ZFPM2: variants seen among roughly 807,000 people sequenced by gnomAD.
ZFPM2 encodes the protein zinc finger protein, FOG family member 2.
In ZFPM2, 20 loss-of-function variants were observed where a neutral mutation model predicts 98.6. The ratio of observed to expected loss-of-function variants is 0.20; its 90% CI spans 0.14 to 0.29. ZFPM2 has a LOEUF of 0.29. ZFPM2 is among the 10% of genes least tolerant of loss of function. ZFPM2 has a pLI of 1.00. For missense variants in ZFPM2, 1,310 were observed against 1,388.6 expected, an observed-to-expected ratio of 0.94 and a Z score of 0.90; for synonymous variants, 518 against 502.7, an observed-to-expected ratio of 1.03 and a Z score of -0.41.
chr8:105,682,867 T>G (rs1416116289), intron 5 of ZFPM2, among the ~76,000 whole-genome samples: 1 of 152,160 alleles, frequency 6.6e-6, no homozygotes, highest in African/African-American at 2.4e-5. Flanking sequence ...CAAGAGTCAG[T>G]TCAGTTCAAT....
chr8:105,753,075 G>A (rs1017261956), intron 5 of ZFPM2, among the ~76,000 whole-genome samples: 1 of 152,170 alleles, frequency 6.6e-6, no homozygotes, highest in East Asian at 1.9e-4. Context: ...GAGAGGCCAG[G>A]GTCACCCAAA....
intron 5 of ZFPM2, among the ~76,000 whole-genome samples, chr8:105,692,017 A>G (rs767484164): frequency 6.6e-6 from 1 of 152,198 alleles, no homozygotes. Flanking sequence ...ATCTGAAAAC[A>G]TTTTTAGTAG....
chr8:105,758,788 C>T (rs924782219), intron 5 of ZFPM2, among the ~76,000 whole-genome samples: 5 of 152,030 alleles, frequency 3.3e-5, no homozygotes, highest in African/African-American at 1.2e-4. Context: ...TCTGAACGCT[C>T]ATACAGAAAT....
At chr8:105,464,756 GA>G (rs56220707) in intron 3 of ZFPM2, among the ~76,000 whole-genome samples, 3 of 151,630 alleles carry the variant, frequency 2.0e-5, no homozygotes, top group Non-Finnish European at 4.4e-5. Flanking sequence ...ATCTTGAAGG[GA>G]AAAAAACCTG....
At chr8:105,350,699 C>T (rs545204267) in intron 1 of ZFPM2, among the ~76,000 whole-genome samples, 2 of 152,228 alleles carry the variant, frequency 1.3e-5, no homozygotes, top group East Asian at 3.9e-4. Context: ...TATTAGTATA[C>T]TCTTTACTTA....
At chr8:105,685,361 T>C (rs1810707533) in intron 5 of ZFPM2, among the ~76,000 whole-genome samples, 1 of 152,080 alleles carries the variant, frequency 6.6e-6, no homozygotes, top group Non-Finnish European at 1.5e-5. Flanking sequence ...AGATGATAAA[T>C]ACCATGCAGA....
intron 4 of ZFPM2, among the ~76,000 whole-genome samples, chr8:105,617,666 G>A (rs1042099480): frequency 2.6e-5 from 4 of 152,148 alleles, no homozygotes; most frequent in Admixed American, 1.3e-4. Flanking sequence ...TACTATGTCT[G>A]TTGACCATGG....
chr8:105,797,318 A>G (rs1473413058), intron 6 of ZFPM2: 3 of 152,170 alleles, frequency 2.0e-5, no homozygotes, highest in Non-Finnish European at 2.9e-5. Flanking sequence ...CCTGATAAAT[A>G]TGGTACCAGT....
chr8:105,465,795 T>A (rs1812786399), intron 3 of ZFPM2, among the ~76,000 whole-genome samples: 1 of 152,018 alleles, frequency 6.6e-6, no homozygotes, highest in Non-Finnish European at 1.5e-5. Flanking sequence ...AGCCACTTCA[T>A]CTGAATTTTA....
intron 5 of ZFPM2, among the ~76,000 whole-genome samples, chr8:105,704,226 G>T (rs1811206521): frequency 6.6e-6 from 1 of 152,054 alleles, no homozygotes; most frequent in Non-Finnish European, 1.5e-5. Context: ...CTGAAAATTT[G>T]GCAGAAATAA....
intron 5 of ZFPM2, among the ~76,000 whole-genome samples, chr8:105,660,254 C>CT (rs1817362270): frequency 1.3e-5 from 2 of 152,110 alleles, no homozygotes; most frequent in African/African-American, 2.4e-5. Flanking sequence ...CTAACAACAT[C>CT]TGACAGTGCT....
chr8:105,488,076 C>T (rs991664496), intron 3 of ZFPM2, among the ~76,000 whole-genome samples: 27 of 152,178 alleles, frequency 1.8e-4, no homozygotes, highest in Non-Finnish European at 3.1e-4. Flanking sequence ...AGATCCCCCA[C>T]CACAACAGTA....
chr8:105,696,515 C>G (rs567890828), intron 5 of ZFPM2, among the ~76,000 whole-genome samples: 1 of 152,260 alleles, frequency 6.6e-6, no homozygotes, highest in African/African-American at 2.4e-5. Flanking sequence ...CTTCCTTCCA[C>G]TTTATTTGCT....
At chr8:105,511,998 T>G (rs1339872388) in intron 3 of ZFPM2, among the ~76,000 whole-genome samples, 1 of 152,034 alleles carries the variant, frequency 6.6e-6, no homozygotes, top group African/African-American at 2.4e-5. Flanking sequence ...ATACAAAAAT[T>G]AGCCTGGTGT....
intron 5 of ZFPM2, among the ~76,000 whole-genome samples, chr8:105,657,468 G>C (rs1483479090): frequency 6.6e-6 from 1 of 152,074 alleles, no homozygotes; most frequent in Non-Finnish European, 1.5e-5. Context: ...AAGAGATTTT[G>C]CATTATACAG....
chr8:105,530,821 A>G (rs1419124070), intron 3 of ZFPM2, among the ~76,000 whole-genome samples: 1 of 152,150 alleles, frequency 6.6e-6, no homozygotes, highest in Non-Finnish European at 1.5e-5. Context: ...GACACTAGTA[A>G]ATGCAAGATG....
In ZFPM2 at chr8:105,341,087, G is replaced by A. The variant is rs1313228925; in HGVS notation, c.40+22106G>A. Reference sequence around the variant, plus strand: ...GCTGAACCATATTACCTTTTGAATGGTGTAAAGCCAGGAAAAAAGCAGATG... The same window carrying A: ...GCTGAACCATATTACCTTTTGAATGATGTAAAGCCAGGAAAAAAGCAGATG... On this transcript the variant is annotated intron_variant, in intron 1 of 7. Coordinates refer to ENST00000407775, the MANE Select transcript of ZFPM2 (RefSeq NM_012082.4). 2.0e-5 allele frequency among the ~76,000 whole-genome samples: 3 copies of A among 151,862 alleles called. No individual in the cohort carries two copies. In the Admixed American group the frequency reaches 2.0e-4, roughly 10 times the overall value.
At chr8:105,620,424 G>T (rs1816514235) in intron 4 of ZFPM2, among the ~76,000 whole-genome samples, 1 of 152,096 alleles carries the variant, frequency 6.6e-6, no homozygotes, top group South Asian at 2.1e-4. Context: ...TGTAGATTCT[G>T]GATATTAGCC....
intron 6 of ZFPM2, chr8:105,798,176 G>A (rs1813890071): frequency 6.6e-6 from 1 of 152,216 alleles, no homozygotes; most frequent in Non-Finnish European, 1.5e-5. Flanking sequence ...CTTAGGCCAG[G>A]CAGTGGCTTA....
Sources: gnomAD v4.1 joint callset for allele counts (sites outside exome capture counted in the v4.1 genomes callset) on GRCh38, gnomAD v4.1.1 for gene constraint, MANE v1.5 for transcripts, NCBI Gene and HGNC (gene_info 2026-07-23, HGNC 2026-07-21) for gene names.